Variants in ST3GAL3 observed in about 807,000 individuals in gnomAD.
ST3GAL3 encodes the protein ST3 beta-galactoside alpha-2,3-sialyltransferase 3.
A neutral mutation model predicts 50.1 loss-of-function variants in ST3GAL3; 21 were observed. The ratio of observed to expected loss-of-function variants is 0.42; its 90% CI spans 0.30 to 0.60. The LOEUF (loss-of-function observed/expected upper bound fraction) is 0.60. ST3GAL3 is among the 20% of genes least tolerant of loss of function. The pLI is 0.19. For synonymous variants in ST3GAL3, 183 were observed against 190.0 expected (o/e 0.96, Z 0.30); for missense variants, 353 against 489.4 (o/e 0.72, Z 2.63).
At chr1:43,903,446 TTCC>T (rs973486077) in intron 9 of ST3GAL3, among the ~76,000 whole-genome samples, 15 of 152,112 alleles carry the variant, frequency 9.9e-5, no homozygotes, top group Non-Finnish European at 1.8e-4. Context: ...CTGCCTCCTC[TTCC>T]TCCTCCTCCT....
chr1:43,866,798 C>G lies in ST3GAL3; in HGVS notation c.303-27585C>G, dbSNP rs2071423362. 2.6e-5 allele frequency among the ~76,000 whole-genome samples: 4 copies of G among 152,088 alleles called. No homozygotes were observed. In the South Asian group the frequency reaches 8.3e-4, roughly 32 times the overall value. ...TAGAGCAAGATCATGGGAGACCTCA[C>G]AAGTCACTCCAAAAGGACTCTAGAT... On this transcript the variant is annotated intron_variant, in intron 5 of 11. Transcript: ENST00000347631.
intron 5 of ST3GAL3, among the ~76,000 whole-genome samples, chr1:43,887,788 T>C (rs1278418713): frequency 2.0e-5 from 3 of 151,048 alleles, no homozygotes; most frequent in Non-Finnish European, 4.4e-5. Context: ...GAGGATGATG[T>C]TGGGGAAAGT....
intron 9 of ST3GAL3, among the ~76,000 whole-genome samples, chr1:43,907,372 C>T (rs1378022065): frequency 6.6e-6 from 1 of 152,158 alleles, no homozygotes; most frequent in East Asian, 1.9e-4. Flanking sequence ...TGAATGTCAC[C>T]CATGGGAGAG....
chr1:43,821,191 G>T (rs566579050), intron 4 of ST3GAL3, among the ~76,000 whole-genome samples: 1 of 152,310 alleles, frequency 6.6e-6, no homozygotes, highest in South Asian at 2.1e-4. Flanking sequence ...AAGCGAATGA[G>T]AACAGGAAGG....
chr1:43,926,420 T>C (rs549106165), intron 11 of ST3GAL3, among the ~76,000 whole-genome samples: 2 of 151,974 alleles, frequency 1.3e-5, no homozygotes, highest in South Asian at 4.2e-4. Flanking sequence ...AGAAACCCTG[T>C]CTCTACTGAA....
At position 43,885,397 on chromosome 1, in the gene ST3GAL3, C is replaced by T. The variant is rs77709763; in HGVS notation, c.303-8986C>T. Among the ~76,000 whole-genome samples the T allele has an allele frequency of 4.5e-3, 692 of 152,330 alleles. 5 individuals carry two copies. The highest frequency in any genetic ancestry group is 0.016 in the African/African-American group (657 of 41,562). On this transcript the variant is annotated intron_variant, in intron 5 of 11. Coordinates refer to ENST00000347631, the MANE Select transcript of ST3GAL3 (RefSeq NM_006279.5). ...TCCCCGGGTCCTTCTCACGCACTCA[C>T]ACACACCCTGCTGAAACCTGATCCT...
intron 5 of ST3GAL3, chr1:43,850,752 GC>G (rs2067137842): frequency 1.3e-6 from 1 of 781,032 alleles, no homozygotes; most frequent in Non-Finnish European, 2.3e-6. Flanking sequence ...TCTGCAGTTG[GC>G]CACCACATGG....
chr1:43,912,600 A>C (rs907982235), intron 9 of ST3GAL3: 5 of 152,228 alleles, frequency 3.3e-5, no homozygotes, highest in African/African-American at 1.2e-4. Context: ...GGTCCGTCCT[A>C]AGGCAGTAGC....
intron 4 of ST3GAL3, among the ~76,000 whole-genome samples, chr1:43,825,751 A>G (rs1011100284): frequency 1.3e-5 from 2 of 152,196 alleles, no homozygotes; most frequent in Admixed American, 6.5e-5. Context: ...TTTTGGCCGC[A>G]GGAAGGAAAT....
intron 5 of ST3GAL3, chr1:43,851,088 A>G (rs2067209216): frequency 2.2e-6 from 2 of 909,012 alleles, no homozygotes; most frequent in Admixed American, 3.4e-5. Flanking sequence ...TCTCATCTGC[A>G]GTTTTTCTGC....
At chr1:43,732,109 A>G (rs1315947298) in intron 1 of ST3GAL3, among the ~76,000 whole-genome samples, 1 of 152,236 alleles carries the variant, frequency 6.6e-6, no homozygotes, top group African/African-American at 2.4e-5. Context: ...CTTCCCTGTT[A>G]GTACATGCAG....
At chr1:43,747,928 A>G (rs1684488408) in intron 2 of ST3GAL3, among the ~76,000 whole-genome samples, 1 of 152,026 alleles carries the variant, frequency 6.6e-6, no homozygotes, top group African/African-American at 2.4e-5. Context: ...AGGATTGACT[A>G]AATCACTGGT....
intron 11 of ST3GAL3, among the ~76,000 whole-genome samples, chr1:43,929,358 G>A (rs1320302156): frequency 1.3e-5 from 2 of 151,394 alleles, no homozygotes; most frequent in Non-Finnish European, 2.9e-5. Context: ...AGGCTGGAGT[G>A]CAGTGGCGCG....
intron 5 of ST3GAL3, among the ~76,000 whole-genome samples, chr1:43,866,537 T>C (rs2071364585): frequency 6.6e-6 from 1 of 151,862 alleles, no homozygotes; most frequent in South Asian, 2.1e-4. Context: ...TGAGCCATGA[T>C]TGTGCCACTG....
At chr1:43,766,540 GT>G (rs1693067682) in intron 2 of ST3GAL3, among the ~76,000 whole-genome samples, 1 of 152,178 alleles carries the variant, frequency 6.6e-6, no homozygotes, top group Non-Finnish European at 1.5e-5. Flanking sequence ...AGCAGACAGA[GT>G]ACTCGAAATA....
chr1:43,862,028 TA>T (rs78700565), intron 5 of ST3GAL3, among the ~76,000 whole-genome samples: 8,170 of 130,862 alleles, frequency 0.062, 250 homozygotes, highest in East Asian at 0.16. Flanking sequence ...AAATCTGTCT[TA>T]AAAAAAAAAA....
At chr1:43,723,818 G>T (rs1671648005) in intron 1 of ST3GAL3, among the ~76,000 whole-genome samples, 1 of 151,994 alleles carries the variant, frequency 6.6e-6, no homozygotes, top group South Asian at 2.1e-4. Flanking sequence ...CACCATATTG[G>T]CCAGGCTAGT....
chr1:43,800,702 C>T (rs1350222629), intron 3 of ST3GAL3, among the ~76,000 whole-genome samples: 4 of 152,156 alleles, frequency 2.6e-5, no homozygotes, highest in African/African-American at 9.7e-5. Context: ...TAGTACCTGC[C>T]TCATGGGGCT....
rs546884971 is a variant in ST3GAL3 at position 43,881,813 on chromosome 1, T to G, written c.303-12570T>G. ...GGGGGGTGGGGGTGTCTGTGAACATTGGAAACATCACTGGAAGCCTGGTGC... is the reference window on the plus strand; with the variant it reads ...GGGGGGTGGGGGTGTCTGTGAACATGGGAAACATCACTGGAAGCCTGGTGC... On this transcript the variant is annotated intron_variant, in intron 5 of 11. Coordinates refer to ENST00000347631, the MANE Select transcript of ST3GAL3 (RefSeq NM_006279.5). Among the ~76,000 whole-genome samples, 208 of 152,218 alleles carry G rather than the reference T, an allele frequency of 1.4e-3. 1 individual carries two copies. The highest frequency in any genetic ancestry group is 2.1e-3 in the Non-Finnish European group (145 of 68,008).
Sources: gnomAD v4.1 joint callset for allele counts (sites outside exome capture counted in the v4.1 genomes callset) on GRCh38, gnomAD v4.1.1 for gene constraint, MANE v1.5 for transcripts, NCBI Gene and HGNC (gene_info 2026-07-23, HGNC 2026-07-21) for gene names.